Variants in CSMD1 observed in about 807,000 individuals in gnomAD.
The protein encoded by CSMD1 is CUB and sushi domain-containing protein 1.
CSMD1 carries 213 observed loss-of-function variants against 417.5 expected under a neutral mutation model. That is an observed-to-expected ratio of 0.51 (90% CI 0.46 to 0.57). The LOEUF (loss-of-function observed/expected upper bound fraction) is 0.57, where lower values mean the gene tolerates loss of function less well. Among genes scored for constraint, CSMD1 ranks in the 20% least tolerant of loss-of-function variants. The pLI is 0.00. For synonymous variants in CSMD1, 2,862 were observed against 1,736.8 expected (o/e 1.65, Z -16.11); for missense variants, 6,923 against 4,529.7 (o/e 1.53, Z -15.17).
intron 25 of CSMD1, among the ~76,000 whole-genome samples, chr8:3,295,899 C>G (rs1803926975): frequency 1.3e-5 from 2 of 152,046 alleles, no homozygotes; most frequent in Admixed American, 6.6e-5. Flanking sequence ...TTACTCGGCA[C>G]CAAGAGTGTA....
At chr8:3,550,696 T>G (rs1167548825) in intron 10 of CSMD1, among the ~76,000 whole-genome samples, 1 of 152,226 alleles carries the variant, frequency 6.6e-6, no homozygotes, top group African/African-American at 2.4e-5. Context: ...TCTTGCTATT[T>G]GTTTGCTTGC....
chr8:3,313,820 C>A (rs546138367), intron 23 of CSMD1, among the ~76,000 whole-genome samples: 1 of 152,126 alleles, frequency 6.6e-6, no homozygotes, highest in Non-Finnish European at 1.5e-5. Flanking sequence ...AACATGCACA[C>A]GTATGTTTAT....
chr8:4,922,990 G>T (rs960137984), intron 1 of CSMD1, among the ~76,000 whole-genome samples: 2 of 152,126 alleles, frequency 1.3e-5, no homozygotes, highest in African/African-American at 4.8e-5. Context: ...AATGTGAACA[G>T]TAACAGTCCC....
intron 1 of CSMD1, among the ~76,000 whole-genome samples, chr8:4,668,958 G>A (rs994987381): frequency 2.6e-5 from 4 of 152,046 alleles, no homozygotes; most frequent in Non-Finnish European, 5.9e-5. Context: ...CTGAACTAGT[G>A]TTAGCTTTAT....
intron 1 of CSMD1, among the ~76,000 whole-genome samples, chr8:4,797,159 C>CA (rs1323214983): frequency 6.6e-6 from 1 of 152,188 alleles, no homozygotes; most frequent in Non-Finnish European, 1.5e-5. Context: ...ACCCAGGCAG[C>CA]AGCATCTCAG....
At chr8:4,884,750 C>A (rs939083750) in intron 1 of CSMD1, among the ~76,000 whole-genome samples, 5 of 152,050 alleles carry the variant, frequency 3.3e-5, no homozygotes, top group African/African-American at 1.2e-4. Flanking sequence ...TAAGTCACTG[C>A]AACTCTGTCT....
intron 1 of CSMD1, among the ~76,000 whole-genome samples, chr8:4,808,748 A>G (rs1798726591): frequency 6.6e-6 from 1 of 152,358 alleles, no homozygotes; most frequent in South Asian, 2.1e-4. Flanking sequence ...GGAGAACATT[A>G]AAACATAAAC....
At chr8:3,128,809 T>A (rs944446460) in intron 41 of CSMD1, 66 of 434,776 alleles carry the variant, frequency 1.5e-4, no homozygotes, top group African/African-American at 1.4e-3. Context: ...TTTTGTTTTT[T>A]TTTTAATTGA....
chr8:3,294,084 A>T (rs986568706), intron 25 of CSMD1, among the ~76,000 whole-genome samples: 2 of 152,136 alleles, frequency 1.3e-5, no homozygotes, highest in Admixed American at 1.3e-4. Flanking sequence ...AGTTTGCTGG[A>T]GGTGCACTCC....
chr8:4,152,929 TATCC>T (rs1796647416), intron 3 of CSMD1, among the ~76,000 whole-genome samples: 1 of 152,216 alleles, frequency 6.6e-6, no homozygotes, highest in Non-Finnish European at 1.5e-5. Context: ...GTGTATACTC[TATCC>T]TCTTCTCAAA....
chr8:4,912,615 T>A (rs905193756), intron 1 of CSMD1, among the ~76,000 whole-genome samples: 6 of 152,178 alleles, frequency 3.9e-5, no homozygotes, highest in African/African-American at 1.2e-4. Flanking sequence ...TAGCTCAAGT[T>A]TGTTTGGCTT....
At chr8:3,561,417 T>C (rs561951177) in intron 10 of CSMD1, among the ~76,000 whole-genome samples, 3 of 152,210 alleles carry the variant, frequency 2.0e-5, no homozygotes, top group African/African-American at 7.2e-5. Flanking sequence ...ATAAAGAAAA[T>C]GCGGTATCTT....
chr8:4,028,708 C>G (rs944383098), intron 4 of CSMD1, among the ~76,000 whole-genome samples: 2 of 152,098 alleles, frequency 1.3e-5, no homozygotes, highest in African/African-American at 4.8e-5. Flanking sequence ...AACTCTATTT[C>G]TTTACCTTTT....
intron 5 of CSMD1, among the ~76,000 whole-genome samples, chr8:3,904,177 C>G (rs988850979): frequency 1.3e-5 from 2 of 152,106 alleles, no homozygotes; most frequent in African/African-American, 4.8e-5. Context: ...ATACATGTTT[C>G]TGGAGAACCG....
chr8:4,575,909 C>T (rs561989699), intron 2 of CSMD1, among the ~76,000 whole-genome samples: 3 of 152,142 alleles, frequency 2.0e-5, no homozygotes. Context: ...CTGTTGTGAT[C>T]GTTCCAGTGT....
At position 3,924,641 on chromosome 8, in the gene CSMD1, C is replaced by T. The variant is rs139644474; in HGVS notation, c.818+73262G>A. ...TCTATTTTCTGATTGGTTGAGTCTG[C>T]TGTTTAAACACTTCTTTAATTTTTT... On this transcript the variant is annotated intron_variant, in intron 5 of 69. Transcript: ENST00000635120. 3.0e-4 allele frequency among the ~76,000 whole-genome samples: 46 copies of T among 152,216 alleles called. No individual in the cohort carries two copies. The East Asian group carries it at 8.5e-3, about 28-fold the overall frequency.
chr8:3,207,153 T>A (rs1356987793), intron 30 of CSMD1, among the ~76,000 whole-genome samples: 2 of 7,686 alleles, frequency 2.6e-4, no homozygotes, highest in Non-Finnish European at 7.3e-4. Flanking sequence ...TTCATTTTCT[T>A]TTTTTTTTTT....
chr8:4,830,773 T>C (rs558123332), intron 1 of CSMD1, among the ~76,000 whole-genome samples: 1 of 152,256 alleles, frequency 6.6e-6, no homozygotes, highest in South Asian at 2.1e-4. Context: ...TAAGCATAGG[T>C]CATTCCAGAG....
chr8:4,334,298 C>T (rs1800034404), intron 3 of CSMD1, among the ~76,000 whole-genome samples: 1 of 152,024 alleles, frequency 6.6e-6, no homozygotes, highest in South Asian at 2.1e-4. Flanking sequence ...AACACTATTC[C>T]AGGTATTCCT....
Sources: gnomAD v4.1 joint callset for allele counts (sites outside exome capture counted in the v4.1 genomes callset) on GRCh38, gnomAD v4.1.1 for gene constraint, MANE v1.5 for transcripts, NCBI Gene and HGNC (gene_info 2026-07-23, HGNC 2026-07-21) for gene names.